The following ALOX5 variants were observed in gnomAD, a reference collection of about 807,000 sequenced individuals.
ALOX5 encodes the protein arachidonate 5-lipoxygenase.
Under a neutral mutation model 87.9 loss-of-function variants are expected in ALOX5, and 64 were observed. The observed-to-expected ratio is 0.73, with a 90% CI of 0.60 to 0.90. ALOX5 has a LOEUF of 0.90. Among genes scored for constraint, ALOX5 ranks in the 40% least tolerant of loss-of-function variants. ALOX5 has a pLI of 0.00. For synonymous variants in ALOX5, 388 were observed against 355.1 expected (o/e 1.09, Z -1.04); for missense variants, 822 against 907.5 (o/e 0.91, Z 1.21).
At chr10:45,441,532 T>C (rs1842235389) in intron 9 of ALOX5, 102 bp downstream of exon 9, 1 of 1,228,536 alleles carries the variant, frequency 8.1e-7, no homozygotes, top group Non-Finnish European at 1.2e-6. Context: ...CCTGGAAGGG[T>C]GAAGGCTGGA....
chr10:45,441,564 CA>C (rs1842236399), intron 9 of ALOX5, 134 bp downstream of exon 9: 1 of 830,640 alleles, frequency 1.2e-6, no homozygotes. Context: ...GCACTGGCTC[CA>C]GCATCCTCCT....
chr10:45,392,396 C>CTATG (rs942538048), intron 2 of ALOX5, among the ~76,000 whole-genome samples: 2 of 151,740 alleles, frequency 1.3e-5, no homozygotes, highest in Admixed American at 6.6e-5. Context: ...TCCTGTTGAT[C>CTATG]TATGACCTTA....
chr10:45,393,497 A>T (rs189656631), intron 2 of ALOX5, among the ~76,000 whole-genome samples: 3,417 of 152,238 alleles, frequency 0.022, 123 homozygotes, highest in African/African-American at 0.078. Flanking sequence ...AACCAATATC[A>T]TACTGAATGG....
intron 3 of ALOX5, among the ~76,000 whole-genome samples, chr10:45,407,136 T>C (rs1840913195): frequency 6.6e-6 from 1 of 152,112 alleles, no homozygotes; most frequent in African/African-American, 2.4e-5. Context: ...CTGCCCTCAT[T>C]GATGACAATA....
At position 45,391,986 on chromosome 10, in the gene ALOX5, G is replaced by T. The variant is rs1021454801; in HGVS notation, c.350-3869G>T. 2.6e-5 allele frequency among the ~76,000 whole-genome samples: 4 copies of T among 151,714 alleles called. 1 individual carries two copies. The highest frequency in any genetic ancestry group is 5.9e-5 in the Non-Finnish European group (4 of 67,862). On this transcript the variant is annotated intron_variant, in intron 2 of 13. Coordinates refer to ENST00000374391, the MANE Select transcript of ALOX5 (RefSeq NM_000698.5). ...GGCAGCCACCCTGTCCGGGAGGGAG[G>T]TGGGGGGCGGTCAGCCCCCCGCCCG...
At chr10:45,406,323 A>G (rs1308284389) in intron 3 of ALOX5, among the ~76,000 whole-genome samples, 1 of 152,192 alleles carries the variant, frequency 6.6e-6, no homozygotes, top group Non-Finnish European at 1.5e-5. Flanking sequence ...TTTATGTGTT[A>G]GCCTATTTTT....
At chr10:45,419,246 C>T (rs1048832747) in intron 4 of ALOX5, among the ~76,000 whole-genome samples, 1 of 152,232 alleles carries the variant, frequency 6.6e-6, no homozygotes, top group African/African-American at 2.4e-5. Flanking sequence ...CGGGCGAGCG[C>T]AGGCGGGCGG....
chr10:45,419,123 A>G (rs988091532), intron 4 of ALOX5, among the ~76,000 whole-genome samples: 3 of 152,230 alleles, frequency 2.0e-5, no homozygotes, highest in East Asian at 3.9e-4. Context: ...TAGAGGCGCT[A>G]TGAGCCCGAG....
chr10:45,392,047 C>A (rs1465353109), intron 2 of ALOX5, among the ~76,000 whole-genome samples: 1 of 151,616 alleles, frequency 6.6e-6, no homozygotes, highest in Non-Finnish European at 1.5e-5. Flanking sequence ...GGGGTTCAGC[C>A]CCCCGCCCGG....
chr10:45,392,850 T>TA (rs1375461525), intron 2 of ALOX5, among the ~76,000 whole-genome samples: 5 of 151,972 alleles, frequency 3.3e-5, no homozygotes, highest in Non-Finnish European at 7.4e-5. Flanking sequence ...CTAGAAAATC[T>TA]AGAAAAAATG....
Position 45,382,651 on chromosome 10 carries a change from G to A in ALOX5, c.319G>A (p.Asp107Asn), listed in dbSNP as rs1267693488. ...CCCCTGCTACCGCTGGATCACCGGC[G>A]ATGTCGAGGTTGTCCTGAGGGATGG... The part of the protein sequence containing the change: ...EFPCYRWITG[D>N]VEVVLRDGRA... Residue 107 changes from aspartate to asparagine, a missense_variant, in exon 2 of 14, where the codon GAT becomes AAT. Asp to Asn is a conservative substitution (Grantham distance 23, BLOSUM62 1). Transcript: ENST00000374391. 6.2e-6 allele frequency: 10 copies of A among 1,613,604 alleles called. No individual in the cohort carries two copies. Among genetic ancestry groups the A allele is most frequent in the Admixed American group, 3.3e-5 (2 of 59,932 alleles).
At position 45,408,932 on chromosome 10, in the gene ALOX5, C is replaced by T. The variant is rs375321923; in HGVS notation, c.432-3259C>T. 8.5e-5 allele frequency among the ~76,000 whole-genome samples: 13 copies of T among 152,318 alleles called. 2 individuals are homozygous for T. The highest frequency in any genetic ancestry group is 2.6e-4 in the Admixed American group (4 of 15,296). On this transcript the variant is annotated intron_variant, in intron 3 of 13. Coordinates refer to ENST00000374391, the MANE Select transcript of ALOX5 (RefSeq NM_000698.5). ...TAGTTGTCGAATGAACACCTTCTCTCTTCTAGGTGTTAATGAGTTTAGCTT... is the reference window on the plus strand; with the variant it reads ...TAGTTGTCGAATGAACACCTTCTCTTTTCTAGGTGTTAATGAGTTTAGCTT...
chr10:45,399,893 T>G (rs1840638550), intron 3 of ALOX5, among the ~76,000 whole-genome samples: 1 of 152,170 alleles, frequency 6.6e-6, no homozygotes. Flanking sequence ...CACGTGAAAA[T>G]ATGCTCAACA....
chr10:45,442,880 A>G (rs1842282936), intron 9 of ALOX5, 158 bp from the exon 10 acceptor site: 2 of 750,254 alleles, frequency 2.7e-6, no homozygotes, highest in Admixed American at 3.0e-5. Flanking sequence ...TGCCCTTGTC[A>G]TTCTCTGCGT....
intron 4 of ALOX5, among the ~76,000 whole-genome samples, chr10:45,419,010 G>T (rs1325266316): frequency 6.6e-6 from 1 of 152,228 alleles, no homozygotes; most frequent in Non-Finnish European, 1.5e-5. Flanking sequence ...GGCGGGGGCA[G>T]CTCCGGGAAG....
chr10:45,436,194 C>A (rs1842057127), intron 7 of ALOX5, among the ~76,000 whole-genome samples: 1 of 152,176 alleles, frequency 6.6e-6, no homozygotes. Flanking sequence ...TTCTCTCATT[C>A]TGTAGGTTGT....
At chr10:45,385,094 G>A (rs180993973) in intron 2 of ALOX5, among the ~76,000 whole-genome samples, 6 of 152,208 alleles carry the variant, frequency 3.9e-5, no homozygotes, top group African/African-American at 1.2e-4. Flanking sequence ...TGATCCACCC[G>A]GCTCGGCCTC....
intron 1 of ALOX5, among the ~76,000 whole-genome samples, chr10:45,378,017 C>T (rs770870217): frequency 6.6e-6 from 1 of 152,206 alleles, no homozygotes; most frequent in Non-Finnish European, 1.5e-5. Flanking sequence ...CCACCCACTT[C>T]TGTCCCCAGA....
At chr10:45,401,511 T>C (rs909054002) in intron 3 of ALOX5, among the ~76,000 whole-genome samples, 2 of 152,250 alleles carry the variant, frequency 1.3e-5, no homozygotes, top group African/African-American at 4.8e-5. Flanking sequence ...TTGTGCTATA[T>C]ATACCACTTT....
Sources: gnomAD v4.1 joint callset for allele counts (sites outside exome capture counted in the v4.1 genomes callset) on GRCh38, gnomAD v4.1.1 for gene constraint, MANE v1.5 for transcripts, NCBI Gene and HGNC (gene_info 2026-07-23, HGNC 2026-07-21) for gene names.